C1QTNF3: variants seen among roughly 807,000 people sequenced by gnomAD.
C1QTNF3 encodes the protein complement C1q tumor necrosis factor-related protein 3.
C1QTNF3 carries 26 observed loss-of-function variants against 32.6 expected under a neutral mutation model. The observed-to-expected ratio is 0.80, with a 90% CI of 0.58 to 1.11. C1QTNF3 has a LOEUF of 1.11. Among genes scored for constraint, C1QTNF3 ranks in the 50% least tolerant of loss-of-function variants. The probability of loss-of-function intolerance (pLI) is 0.00; values close to 1 mark genes in which losing one functional copy is unlikely to be tolerated. For synonymous variants in C1QTNF3, 155 were observed against 146.0 expected (o/e 1.06, Z -0.44); for missense variants, 362 against 398.2 (o/e 0.91, Z 0.77).
At chr5:34,044,757 T>A (rs1163581815), upstream of C1QTNF3, among the ~76,000 whole-genome samples, 1 of 152,154 alleles carries the variant, frequency 6.6e-6, no homozygotes, top group East Asian at 1.9e-4. Context: ...AAGCAGTCAG[T>A]TCCCACCTAG....
the C1QTNF3 span, among the ~76,000 whole-genome samples, chr5:34,148,317 A>T: frequency 9.3e-6 from 1 of 107,752 alleles, no homozygotes; most frequent in Middle Eastern, 4.2e-3. Flanking sequence ...TTAGGTAAAC[A>T]AAGCAGCCAG....
chr5:34,055,024 A>T, the C1QTNF3 span, among the ~76,000 whole-genome samples: 32 of 152,264 alleles, frequency 2.1e-4, 1 homozygote, highest in Non-Finnish European at 4.4e-4. Flanking sequence ...ATTGACTGGC[A>T]GCTAAAGGAC....
At chr5:34,121,183 A>G in the C1QTNF3 span, among the ~76,000 whole-genome samples, 8 of 152,218 alleles carry the variant, frequency 5.3e-5, no homozygotes, top group African/African-American at 1.9e-4. Flanking sequence ...GATTAATTAA[A>G]CATTTCACTT....
the C1QTNF3 span, among the ~76,000 whole-genome samples, chr5:34,178,104 TAAAAAAAAAA>T: frequency 2.6e-5 from 2 of 76,480 alleles, no homozygotes; most frequent in Non-Finnish European, 4.8e-5. Flanking sequence ...TCATCTCTAC[TAAAAAAAAAA>T]AAAAAAAAAA....
chr5:34,053,670 G>A, the C1QTNF3 span, among the ~76,000 whole-genome samples: 1 of 152,202 alleles, frequency 6.6e-6, no homozygotes, highest in Non-Finnish European at 1.5e-5. Context: ...AAGAAAAGCA[G>A]AGCCAGCTGC....
At chr5:34,234,865 G>T in the C1QTNF3 span, among the ~76,000 whole-genome samples, 1 of 152,072 alleles carries the variant, frequency 6.6e-6, no homozygotes, top group African/African-American at 2.4e-5. Context: ...ACTGATTAGT[G>T]CAATTTGGGA....
At chr5:34,171,154 T>C in the C1QTNF3 span, among the ~76,000 whole-genome samples, 320 of 152,216 alleles carry the variant, frequency 2.1e-3, 1 homozygote, top group African/African-American at 7.3e-3. Context: ...TAAAGTCATT[T>C]ATTATGGGCT....
At chr5:34,032,406 T>C (rs953487461) in intron 3 of C1QTNF3, among the ~76,000 whole-genome samples, 1 of 152,226 alleles carries the variant, frequency 6.6e-6, no homozygotes, top group African/African-American at 2.4e-5. Context: ...TATGCTGAAA[T>C]GAATGTAATC....
chr5:34,197,592 A>T, the C1QTNF3 span, among the ~76,000 whole-genome samples: 1 of 152,140 alleles, frequency 6.6e-6, no homozygotes, highest in African/African-American at 2.4e-5. Context: ...GACACAATTT[A>T]TAGAAGTCAG....
At chr5:34,062,985 A>G in the C1QTNF3 span, among the ~76,000 whole-genome samples, 1 of 151,802 alleles carries the variant, frequency 6.6e-6, no homozygotes, top group East Asian at 1.9e-4. Context: ...GATTGAATGC[A>G]TTTGGGCCAT....
the C1QTNF3 span, among the ~76,000 whole-genome samples, chr5:34,227,517 A>G: frequency 1.3e-5 from 2 of 151,866 alleles, no homozygotes; most frequent in African/African-American, 4.8e-5. Flanking sequence ...GCTTGTGTAG[A>G]TGGGTCACCT....
chr5:34,218,927 T>C, the C1QTNF3 span, among the ~76,000 whole-genome samples: 1 of 152,094 alleles, frequency 6.6e-6, no homozygotes, highest in South Asian at 2.1e-4. Flanking sequence ...ATGATTCTAT[T>C]TTATTATGTG....
At chr5:34,049,407 T>C in the C1QTNF3 span, among the ~76,000 whole-genome samples, 1 of 152,104 alleles carries the variant, frequency 6.6e-6, no homozygotes, top group Non-Finnish European at 1.5e-5. Context: ...CCTATTTTGC[T>C]CTTTGAGAAG....
the C1QTNF3 span, among the ~76,000 whole-genome samples, chr5:34,207,406 T>C: frequency 2.6e-5 from 4 of 152,032 alleles, no homozygotes; most frequent in Admixed American, 2.6e-4. Context: ...GCCATTTGAT[T>C]TTCCATCAGG....
the C1QTNF3 span, among the ~76,000 whole-genome samples, chr5:34,087,263 TG>T: frequency 1.0e-4 from 15 of 150,662 alleles, no homozygotes; most frequent in South Asian, 1.3e-3. Context: ...GCTGCGATTT[TG>T]CTACAATTCC....
intron 4 of C1QTNF3, among the ~76,000 whole-genome samples, chr5:34,027,455 T>C (rs1343387252): frequency 6.6e-6 from 1 of 152,092 alleles, no homozygotes; most frequent in African/African-American, 2.4e-5. Flanking sequence ...TTCCAGCACT[T>C]TGGGAGGCTG....
intron 4 of C1QTNF3, among the ~76,000 whole-genome samples, chr5:34,025,660 CTG>C (rs1242719167): frequency 8.5e-5 from 13 of 152,190 alleles, no homozygotes; most frequent in African/African-American, 3.1e-4. Context: ...AAACAGAAAA[CTG>C]TGAGAGTCAA....
chr5:34,236,537 G>C, the C1QTNF3 span, among the ~76,000 whole-genome samples: 1 of 142,622 alleles, frequency 7.0e-6, no homozygotes, highest in Non-Finnish European at 1.6e-5. Context: ...TTTTATTTAG[G>C]CTTGATTTAG....
At chr5:34,238,175 A>G in the C1QTNF3 span, among the ~76,000 whole-genome samples, 1 of 152,116 alleles carries the variant, frequency 6.6e-6, no homozygotes, top group Non-Finnish European at 1.5e-5. Context: ...AGGAACACTA[A>G]CCCTACCAGA....
Sources: allele counts gnomAD v4.1 joint callset (sites outside exome capture counted in the v4.1 genomes callset), GRCh38; gene constraint gnomAD v4.1.1; transcripts MANE v1.5; gene names NCBI Gene and HGNC (gene_info 2026-07-23, HGNC 2026-07-21).